The following GRIN2A variants were observed in gnomAD, a reference collection of about 807,000 sequenced individuals.
The protein encoded by GRIN2A is glutamate ionotropic receptor NMDA type subunit 2A.
GRIN2A carries 22 observed loss-of-function variants against 113.4 expected under a neutral mutation model. The ratio of observed to expected loss-of-function variants is 0.19; its 90% CI spans 0.14 to 0.28. GRIN2A has a LOEUF of 0.28. GRIN2A is among the 10% of genes least tolerant of loss of function. GRIN2A has a pLI of 1.00. For missense variants in GRIN2A, 1,502 were observed against 1,887.0 expected (o/e 0.80, Z 3.78); for synonymous variants, 827 against 738.4 (o/e 1.12, Z -1.94).
intron 4 of GRIN2A, among the ~76,000 whole-genome samples, chr16:9,879,614 T>G (rs2043438624): frequency 6.6e-6 from 1 of 152,134 alleles, no homozygotes; most frequent in Admixed American, 6.5e-5. Flanking sequence ...CAATCACCAT[T>G]TTCCTTTTAA....
intron 2 of GRIN2A, among the ~76,000 whole-genome samples, chr16:10,152,511 T>TC (rs2049603100): frequency 6.6e-6 from 1 of 152,200 alleles, no homozygotes; most frequent in African/African-American, 2.4e-5. Flanking sequence ...CCAGTCCGTT[T>TC]TCCCCCCAAC....
chr16:9,960,830 C>T (rs1166706251), intron 2 of GRIN2A, among the ~76,000 whole-genome samples: 3 of 152,098 alleles, frequency 2.0e-5, no homozygotes, highest in Non-Finnish European at 2.9e-5. Flanking sequence ...TTGCCAATGT[C>T]GTCCAGGCTA....
intron 11 of GRIN2A, among the ~76,000 whole-genome samples, chr16:9,797,261 A>G (rs986258884): frequency 5.9e-5 from 9 of 152,272 alleles, no homozygotes; most frequent in African/African-American, 1.9e-4. Flanking sequence ...GAGCCTTTCT[A>G]TCCTCCTCAT....
intron 10 of GRIN2A, among the ~76,000 whole-genome samples, chr16:9,802,774 A>C (rs1903444547): frequency 6.6e-6 from 1 of 152,190 alleles, no homozygotes; most frequent in Non-Finnish European, 1.5e-5. Flanking sequence ...TACTATGGAT[A>C]TCGAGCACTT....
chr16:9,937,208 C>T (rs959232961), intron 3 of GRIN2A, among the ~76,000 whole-genome samples: 8 of 151,656 alleles, frequency 5.3e-5, no homozygotes, highest in Admixed American at 4.6e-4. Context: ...TAAATAAACA[C>T]ATTTTTGTAT....
chr16:9,816,515 T>G (rs2042189256), intron 10 of GRIN2A, among the ~76,000 whole-genome samples: 1 of 152,176 alleles, frequency 6.6e-6, no homozygotes, highest in Non-Finnish European at 1.5e-5. Context: ...AAACACAAAC[T>G]ATCCCACTGT....
At chr16:10,063,923 C>G (rs931890941) in intron 2 of GRIN2A, among the ~76,000 whole-genome samples, 1 of 152,150 alleles carries the variant, frequency 6.6e-6, no homozygotes, top group Admixed American at 6.6e-5. Flanking sequence ...TTATTCATGA[C>G]CCCACAGTCA....
chr16:10,074,500 A>C (rs1489657177), intron 2 of GRIN2A, among the ~76,000 whole-genome samples: 2 of 150,320 alleles, frequency 1.3e-5, no homozygotes, highest in Non-Finnish European at 1.5e-5. Flanking sequence ...CAATCAATGA[A>C]GGGATAAACA....
chr16:10,179,877 CTCCCA>C, intron 2 of GRIN2A, 116 bp downstream of exon 2: 9 of 644,120 alleles, frequency 1.4e-5, no homozygotes, highest in Non-Finnish European at 2.0e-5. Context: ...GGCCACGACC[CTCCCA>C]CCCCCACCCC....
intron 2 of GRIN2A, among the ~76,000 whole-genome samples, chr16:10,069,157 G>T (rs2047705284): frequency 6.6e-6 from 1 of 152,156 alleles, no homozygotes. Flanking sequence ...GATGAAGTAG[G>T]GGAGGAGTAG....
intron 10 of GRIN2A, among the ~76,000 whole-genome samples, chr16:9,817,765 A>G (rs1007535659): frequency 6.6e-6 from 1 of 152,186 alleles, no homozygotes; most frequent in African/African-American, 2.4e-5. Context: ...TACAACCCAC[A>G]ATTTCACTGA....
At position 9,764,126 on chromosome 16, in the gene GRIN2A, T is replaced by A. The variant is rs2141132475; in HGVS notation, c.3418A>T (p.Thr1140Ser). ...LDPPQFVENVTLPENVDFPDP... is the reference protein window; with the variant it reads ...LDPPQFVENVSLPENVDFPDP... ...GGGAAGTCCACGTTCTCGGGCAGGGTCACATTTTCAACAAACTGGGGTGGA... is the reference window on the plus strand; with the variant it reads ...GGGAAGTCCACGTTCTCGGGCAGGGACACATTTTCAACAAACTGGGGTGGA... The change falls in exon 13 of 13, where the codon ACC becomes TCC. Residue 1140 changes from threonine (T) to serine (S), a missense_variant. Thr to Ser is a moderately conservative substitution (Grantham distance 58, BLOSUM62 1). This residue lies in a region of GRIN2A where 832 missense variants were observed against 789.7 expected (regional missense o/e 1.05). Transcript: ENST00000330684. 1 of 1,613,670 alleles carries A rather than the reference T, an allele frequency of 6.2e-7. No homozygotes were observed. Among genetic ancestry groups the A allele is most frequent in the Non-Finnish European group, 8.5e-7 (1 of 1,179,654 alleles).
intron 2 of GRIN2A, among the ~76,000 whole-genome samples, chr16:10,005,579 T>C (rs1285457436): frequency 6.6e-6 from 1 of 152,146 alleles, no homozygotes; most frequent in Non-Finnish European, 1.5e-5. Context: ...AAGATATTAC[T>C]CACTTCCATC....
At chr16:9,929,034 G>T (rs1428870842) in intron 3 of GRIN2A, among the ~76,000 whole-genome samples, 2 of 152,236 alleles carry the variant, frequency 1.3e-5, no homozygotes. Context: ...CATGTGGGAA[G>T]AGCACCTGGA....
intron 4 of GRIN2A, among the ~76,000 whole-genome samples, chr16:9,876,755 T>C (rs2043375762): frequency 1.3e-5 from 2 of 152,154 alleles, no homozygotes; most frequent in Admixed American, 6.5e-5. Flanking sequence ...TGGATGCCCA[T>C]ATGGCTGGAT....
At chr16:10,050,064 G>A (rs2047331494) in intron 2 of GRIN2A, among the ~76,000 whole-genome samples, 1 of 152,162 alleles carries the variant, frequency 6.6e-6, no homozygotes, top group African/African-American at 2.4e-5. Context: ...AACTTACATG[G>A]CCGAGAAGAC....
chr16:10,047,760 G>C lies in GRIN2A; in HGVS notation c.415-109209C>G, dbSNP rs960719044. ...ATATATCCTTTTCTGCCCTGGAATA[G>C]CCTTTGAAAGATGACTAATGGGCAC... On this transcript the variant is annotated intron_variant, in intron 2 of 12. Transcript: ENST00000330684. Among the ~76,000 whole-genome samples the C allele has an allele frequency of 3.9e-5, 6 of 152,194 alleles. 1 individual carries two copies. Among genetic ancestry groups the C allele is most frequent in the Non-Finnish European group, 2.9e-5 (2 of 68,028 alleles).
intron 2 of GRIN2A, among the ~76,000 whole-genome samples, chr16:9,951,058 T>C (rs2045168075): frequency 6.6e-6 from 1 of 152,186 alleles, no homozygotes. Flanking sequence ...GTGCTTAACC[T>C]GTGAGCTCCC....
intron 11 of GRIN2A, among the ~76,000 whole-genome samples, chr16:9,783,596 A>T (rs1596400572): frequency 6.6e-6 from 1 of 152,280 alleles, no homozygotes; most frequent in South Asian, 2.1e-4. Context: ...AGAAGTGCCA[A>T]ACCATTTATG....
Sources: gnomAD v4.1 joint callset for allele counts (sites outside exome capture counted in the v4.1 genomes callset) on GRCh38, gnomAD v4.1.1 for gene constraint, gnomAD v4.1.1 regional missense constraint, MANE v1.5 for transcripts, NCBI Gene and HGNC (gene_info 2026-07-23, HGNC 2026-07-21) for gene names.